The following TMEFF2 variants were observed in gnomAD, a reference collection of about 807,000 sequenced individuals.
The protein encoded by TMEFF2 is transmembrane protein with EGF like and two follistatin like domains 2, also known as tomoregulin-2.
A neutral mutation model predicts 53.8 loss-of-function variants in TMEFF2; 28 were observed. The ratio of observed to expected loss-of-function variants is 0.52; its 90% CI spans 0.39 to 0.71. The LOEUF (loss-of-function observed/expected upper bound fraction) is 0.71, where lower values mean the gene tolerates loss of function less well. TMEFF2 is among the 30% of genes least tolerant of loss of function. The pLI is 0.00. For synonymous variants in TMEFF2, 162 were observed against 166.3 expected (o/e 0.97, Z 0.20); for missense variants, 353 against 455.2 (o/e 0.78, Z 2.04).
At chr2:191,973,009 A>T (rs912781646) in intron 7 of TMEFF2, among the ~76,000 whole-genome samples, 2 of 152,214 alleles carry the variant, frequency 1.3e-5, no homozygotes, top group Admixed American at 1.3e-4. Flanking sequence ...ACTTACAGCT[A>T]CGTGATATCT....
chr2:192,139,686 G>A (rs562730498), intron 4 of TMEFF2, among the ~76,000 whole-genome samples: 6 of 152,228 alleles, frequency 3.9e-5, no homozygotes, highest in African/African-American at 1.4e-4. Context: ...CTAGTAGTTT[G>A]GAACTTCTAG....
chr2:191,967,579 T>G (rs1692505648), intron 7 of TMEFF2, among the ~76,000 whole-genome samples: 1 of 152,120 alleles, frequency 6.6e-6, no homozygotes, highest in Non-Finnish European at 1.5e-5. Flanking sequence ...TAAAAGGTGC[T>G]TTAGGTGATT....
chr2:192,116,154 A>G (rs10469743), intron 4 of TMEFF2, among the ~76,000 whole-genome samples: 2 of 152,048 alleles, frequency 1.3e-5, no homozygotes, highest in Non-Finnish European at 2.9e-5. Context: ...TTTTTTTCAG[A>G]CTTAAAAAGA....
chr2:191,954,769 A>G (rs1692012522), intron 8 of TMEFF2, among the ~76,000 whole-genome samples: 1 of 152,228 alleles, frequency 6.6e-6, no homozygotes, highest in Non-Finnish European at 1.5e-5. Flanking sequence ...TGTTCATCTG[A>G]GAATGAATGT....
intron 4 of TMEFF2, among the ~76,000 whole-genome samples, chr2:192,068,965 C>T (rs1688225015): frequency 6.6e-6 from 1 of 150,542 alleles, no homozygotes; most frequent in Non-Finnish European, 1.5e-5. Context: ...ACTTAAGGCC[C>T]AGTTCCTGTT....
At chr2:192,071,495 A>G (rs1435915079) in intron 4 of TMEFF2, among the ~76,000 whole-genome samples, 1 of 151,774 alleles carries the variant, frequency 6.6e-6, no homozygotes, top group East Asian at 1.9e-4. Flanking sequence ...AAACGTGTCA[A>G]TTTCACCATT....
At chr2:192,057,215 TATTA>T (rs1687930880) in intron 5 of TMEFF2, among the ~76,000 whole-genome samples, 1 of 112,438 alleles carries the variant, frequency 8.9e-6, no homozygotes, top group African/African-American at 2.8e-5. Context: ...AGCTAATTAT[TATTA>T]TTTTTTTTTA....
chr2:192,029,258 G>A (rs1238272796), intron 5 of TMEFF2: 1 of 152,020 alleles, frequency 6.6e-6, no homozygotes, highest in African/African-American at 2.4e-5. Context: ...GCATGAGTGA[G>A]CTTGCAAGTG....
intron 4 of TMEFF2, among the ~76,000 whole-genome samples, chr2:192,064,776 T>C (rs907902711): frequency 6.6e-6 from 1 of 151,880 alleles, no homozygotes; most frequent in African/African-American, 2.4e-5. Flanking sequence ...GAATTTCTTC[T>C]TTCTTGCTTT....
At chr2:192,032,463 T>C (rs1199152569) in intron 5 of TMEFF2, 1 of 152,194 alleles carries the variant, frequency 6.6e-6, no homozygotes, top group East Asian at 1.9e-4. Context: ...TGCCATTAGT[T>C]TGTATAAATC....
In TMEFF2 at chr2:192,126,867, CT is replaced by C. The variant is rs932451755; in HGVS notation, c.439+52800del. On this transcript the variant is annotated intron_variant, in intron 4 of 9. Coordinates refer to ENST00000272771, the MANE Select transcript of TMEFF2 (RefSeq NM_016192.4). ...AAACAAACAAACAAACAAACAAAAG[CT>C]TGTTTTGGCTGCTGTAAAATAATGC... Among the ~76,000 whole-genome samples, 999 of 148,826 alleles carry C rather than the reference CT, an allele frequency of 6.7e-3. 11 individuals are homozygous for C. The highest frequency in any genetic ancestry group is 0.023 in the African/African-American group (909 of 39,648).
At chr2:192,035,115 T>C (rs551679163) in intron 5 of TMEFF2, 1 of 152,216 alleles carries the variant, frequency 6.6e-6, no homozygotes, top group Non-Finnish European at 1.5e-5. Context: ...TATAATGTTA[T>C]GTTGCAGTAA....
At chr2:192,131,759 C>G (rs1277732272) in intron 4 of TMEFF2, among the ~76,000 whole-genome samples, 1 of 152,158 alleles carries the variant, frequency 6.6e-6, no homozygotes, top group Non-Finnish European at 1.5e-5. Context: ...CTTAAAACCT[C>G]TTCAACTCTC....
intron 7 of TMEFF2, among the ~76,000 whole-genome samples, chr2:191,979,335 C>T (rs1267004819): frequency 6.6e-6 from 1 of 152,102 alleles, no homozygotes; most frequent in Non-Finnish European, 1.5e-5. Context: ...TCTGTGAATC[C>T]CTTTTCTTCC....
chr2:192,145,426 A>C (rs965207110), intron 4 of TMEFF2, among the ~76,000 whole-genome samples: 4 of 151,944 alleles, frequency 2.6e-5, no homozygotes, highest in African/African-American at 4.8e-5. Context: ...ACCCATTTTT[A>C]AGTAAAATTT....
chr2:192,115,166 T>C (rs10174769), intron 4 of TMEFF2, among the ~76,000 whole-genome samples: 65,618 of 151,704 alleles, frequency 0.43, 14,415 homozygotes, highest in South Asian at 0.49. Context: ...GAAGGCATCA[T>C]ATTACCTGAC....
At chr2:191,974,801 A>T (rs1692752889) in intron 7 of TMEFF2, among the ~76,000 whole-genome samples, 1 of 152,094 alleles carries the variant, frequency 6.6e-6, no homozygotes, top group Non-Finnish European at 1.5e-5. Context: ...GAAGAATTGT[A>T]GTTTTTGGAA....
chr2:192,070,831 G>T (rs1688278603), intron 4 of TMEFF2, among the ~76,000 whole-genome samples: 1 of 151,880 alleles, frequency 6.6e-6, no homozygotes, highest in Admixed American at 6.6e-5. Flanking sequence ...TGAGAAGAAA[G>T]ATCAAATAGA....
At chr2:192,074,496 G>A (rs1395125938) in intron 4 of TMEFF2, among the ~76,000 whole-genome samples, 1 of 151,762 alleles carries the variant, frequency 6.6e-6, no homozygotes, top group Admixed American at 6.6e-5. Flanking sequence ...TCTAAAAGCA[G>A]TGTTTTAAAT....
Sources: gnomAD v4.1 joint callset for allele counts (sites outside exome capture counted in the v4.1 genomes callset) on GRCh38, gnomAD v4.1.1 for gene constraint, MANE v1.5 for transcripts, NCBI Gene and HGNC (gene_info 2026-07-23, HGNC 2026-07-21) for gene names.